WASL: variants seen among roughly 807,000 people sequenced by gnomAD.
WASL encodes WASP like actin nucleation promoting factor.
In WASL, 20 loss-of-function variants were observed where a neutral mutation model predicts 55.5. The observed-to-expected ratio is 0.36, with a 90% CI of 0.25 to 0.52. The LOEUF is 0.52. Among genes scored for constraint, WASL ranks in the 20% least tolerant of loss-of-function variants. The pLI is 0.92. For synonymous variants in WASL, 249 were observed against 217.6 expected, an observed-to-expected ratio of 1.14 and a Z score of -1.27; for missense variants, 504 against 622.5, an observed-to-expected ratio of 0.81 and a Z score of 2.03.
Position 123,684,372 on chromosome 7 carries a change from T to C in WASL, c.*147A>G, listed in dbSNP as rs182751703. 114 of 333,062 alleles carry C rather than the reference T, an allele frequency of 3.4e-4. No homozygotes were observed. Among genetic ancestry groups the C allele is most frequent in the African/African-American group, 2.3e-3 (107 of 46,382 alleles). The allele number at this position is 333,062 out of a possible 1,614,324, so 20.6% of individuals were successfully genotyped here. On this transcript the variant is annotated 3_prime_UTR_variant, in exon 11 of 11. Transcript: ENST00000223023. ...AACCTTTACAGATTAAATGAGGTAT[T>C]GCACAGATTAAAAAAAAGCAAAAAA...
intron 5 of WASL, 84 bp downstream of exon 5, chr7:123,704,550 A>G (rs533755813): frequency 9.1e-7 from 1 of 1,098,724 alleles, no homozygotes; most frequent in Non-Finnish European, 1.3e-6. Context: ...GATACTAAAT[A>G]TTACTAATGT....
intron 6 of WASL, among the ~76,000 whole-genome samples, chr7:123,696,183 A>AAAAT (rs1365607663): frequency 2.0e-5 from 3 of 152,106 alleles, no homozygotes; most frequent in Non-Finnish European, 1.5e-5. Flanking sequence ...ATGAGCTAAT[A>AAAAT]AAATAATGCA....
At chr7:123,714,306 G>A (rs137992991) in intron 1 of WASL, among the ~76,000 whole-genome samples, 343 of 152,120 alleles carry the variant, frequency 2.3e-3, no homozygotes, top group Non-Finnish European at 3.5e-3. Context: ...GGAGACAAGG[G>A]ATCTTATCAC....
At chr7:123,694,248 T>C (rs896871436) in intron 8 of WASL, among the ~76,000 whole-genome samples, 2 of 152,200 alleles carry the variant, frequency 1.3e-5, no homozygotes, top group Admixed American at 6.5e-5. Context: ...TAAAAGGTTA[T>C]AAATTGTGCT....
intron 1 of WASL, among the ~76,000 whole-genome samples, chr7:123,711,792 A>G (rs961925898): frequency 6.6e-6 from 1 of 152,168 alleles, no homozygotes. Context: ...TTAATGAAAA[A>G]CAACCTAAGA....
intron 10 of WASL, among the ~76,000 whole-genome samples, chr7:123,688,225 T>C (rs1803328477): frequency 6.6e-6 from 1 of 152,186 alleles, no homozygotes; most frequent in African/African-American, 2.4e-5. Context: ...CAAATCAACC[T>C]TTTAGAAAAT....
intron 9 of WASL, 25 bp from the exon 10 acceptor site, chr7:123,689,175 T>C: frequency 6.3e-7 from 1 of 1,586,038 alleles, no homozygotes; most frequent in Non-Finnish European, 8.7e-7. Flanking sequence ...TTAGCAAAAC[T>C]CAGTAATAAA....
chr7:123,718,051 T>C (rs920010614), intron 1 of WASL, among the ~76,000 whole-genome samples: 1 of 151,756 alleles, frequency 6.6e-6, no homozygotes, highest in Non-Finnish European at 1.5e-5. Context: ...ATGGCCACAA[T>C]AGGTAGAAAA....
rs533008861 is a variant in WASL at position 123,748,774 on chromosome 7, C to G, written c.-40G>C. 1.4e-6 allele frequency: 2 copies of G among 1,477,112 alleles called. No homozygotes were observed. Among genetic ancestry groups the G allele is most frequent in the South Asian group, 1.3e-5 (1 of 78,974 alleles). 91.5% of individuals were successfully genotyped at this position (1,477,112 alleles called of 1,614,324 possible). A position where few individuals can be genotyped will look rare whatever the true frequency, so the allele number is the denominator to read the frequency against. ...GGTTGGGAGTCCAGGGCCGTCTCCT[C>G]CGGCGAGTGGGCGAGAGCTCGTTCC... On this transcript the variant is annotated 5_prime_UTR_variant, in exon 1 of 11. Coordinates refer to ENST00000223023, the MANE Select transcript of WASL (RefSeq NM_003941.4).
chr7:123,693,194 T>C (rs974080399), intron 8 of WASL, among the ~76,000 whole-genome samples: 2 of 152,154 alleles, frequency 1.3e-5, no homozygotes, highest in African/African-American at 4.8e-5. Context: ...AATATACCAA[T>C]GAAATTAAAC....
At chr7:123,745,388 C>T (rs1160764915) in intron 1 of WASL, among the ~76,000 whole-genome samples, 1 of 152,082 alleles carries the variant, frequency 6.6e-6, no homozygotes, top group Non-Finnish European at 1.5e-5. Context: ...TTAAATAGTG[C>T]AATACTTCCC....
Position 123,683,100 on chromosome 7 carries a change from T to A in WASL, c.*1419A>T, listed in dbSNP as rs1445909853. 2.0e-5 allele frequency: 3 copies of A among 152,088 alleles called. No individual in the cohort carries two copies. Among genetic ancestry groups the A allele is most frequent in the Non-Finnish European group, 4.4e-5 (3 of 67,976 alleles). 9.4% of individuals were successfully genotyped at this position (152,088 alleles called of 1,614,324 possible). On this transcript the variant is annotated 3_prime_UTR_variant, in exon 11 of 11. Coordinates refer to ENST00000223023, the MANE Select transcript of WASL (RefSeq NM_003941.4). ...AGATTTTGGTTGGTACAATTCTAGA[T>A]AGCGTAATTTTTAGTTGGATATTGT...
At position 123,708,357 on chromosome 7, in the gene WASL, G is replaced by A. The variant is rs73224182; in HGVS notation, c.252+732C>T. Among the ~76,000 whole-genome samples the A allele has an allele frequency of 9.1e-3, 1,386 of 152,176 alleles. 12 individuals carry two copies. Among genetic ancestry groups the A allele is most frequent in the Non-Finnish European group, 0.013 (903 of 67,994 alleles). On this transcript the variant is annotated intron_variant, in intron 2 of 10. Transcript: ENST00000223023. ...CTGTTATCTATCAGGTCATATTAGC[G>A]CCCAAGAGTTTAAAGGCAGTTTTAG...
intron 1 of WASL, among the ~76,000 whole-genome samples, chr7:123,709,960 C>T (rs1803730266): frequency 6.6e-6 from 1 of 152,152 alleles, no homozygotes; most frequent in Admixed American, 6.6e-5. Context: ...AGAACCCTTT[C>T]AGATGTATAG....
Position 123,689,128 on chromosome 7 carries a change from G to A in WASL, c.1370C>T (p.Thr457Ile), listed in dbSNP as rs1183886082. 7 of 1,613,546 alleles carry A rather than the reference G, an allele frequency of 4.3e-6. No homozygotes were observed. Among genetic ancestry groups the A allele is most frequent in the African/African-American group, 1.3e-5 (1 of 74,810 alleles). ...LKSVADGQES[T>I]PPTPAPTSGI... is the part of the protein sequence containing the mutation. The stretch of plus-strand genomic sequence containing the variant: ...TGAAGTGGGTGCAGGTGTTGGTGGT[G>A]TAGACTCTTGGCCATCAGCCACCTT... Residue 457 changes from threonine (T) to isoleucine (I), a missense_variant, in exon 10 of 11, where the codon ACA becomes ATA. Physicochemically the swap from Thr to Ile is moderately conservative, Grantham distance 89. This residue lies in a region of WASL where 53 missense variants were observed against 69.1 expected (regional missense o/e 0.77). Transcript: ENST00000223023.
chr7:123,701,956 C>T lies in WASL; in HGVS notation c.460+2678G>A, dbSNP rs1291317818. ...TTTAACAACACTATTAAAAAAAAAA[C>T]CCTCCATTTATTTAATGAAAGAAGT... is the stretch of plus-strand genomic sequence containing the variant. On this transcript the variant is annotated intron_variant, in intron 5 of 10. Coordinates refer to ENST00000223023, the MANE Select transcript of WASL (RefSeq NM_003941.4). Among the ~76,000 whole-genome samples, 6 of 133,478 alleles carry T rather than the reference C, an allele frequency of 4.5e-5. No individual in the cohort carries two copies. In the East Asian group the frequency reaches 1.1e-3, roughly 25 times the overall value. The allele number at this position is 133,478 out of a possible 152,430, so 87.6% of individuals were successfully genotyped here. A position where few individuals can be genotyped will look rare whatever the true frequency, so the allele number is the denominator to read the frequency against.
In WASL at chr7:123,737,979, C is replaced by A. The variant is rs576154385; in HGVS notation, c.117+10639G>T. On this transcript the variant is annotated intron_variant, in intron 1 of 10. Transcript: ENST00000223023. ...ACATATAAAGTGCTCCTCCAAGTCACTAAGACAAAAACAAATAATCCAATA... is the reference window on the plus strand; with the variant it reads ...ACATATAAAGTGCTCCTCCAAGTCAATAAGACAAAAACAAATAATCCAATA... 5.9e-5 allele frequency among the ~76,000 whole-genome samples: 9 copies of A among 152,174 alleles called. No homozygotes were observed. In the South Asian group the frequency reaches 1.9e-3, roughly 32 times the overall value.
chr7:123,720,287 T>C (rs1803919509), intron 1 of WASL: 2 of 402,556 alleles, frequency 5.0e-6, no homozygotes, highest in Admixed American at 3.1e-5. Flanking sequence ...TCAAGAAAAA[T>C]ACACACTCAT....
At chr7:123,747,229 T>G in intron 1 of WASL, among the ~76,000 whole-genome samples, 1 of 152,192 alleles carries the variant, frequency 6.6e-6, no homozygotes, top group Admixed American at 6.5e-5. Context: ...AATTGCTGTA[T>G]GACTTGGGCT....
Sources: allele counts gnomAD v4.1 joint callset (sites outside exome capture counted in the v4.1 genomes callset), GRCh38; gene constraint gnomAD v4.1.1; regional missense constraint gnomAD v4.1.1; transcripts MANE v1.5; gene names NCBI Gene and HGNC (gene_info 2026-07-23, HGNC 2026-07-21).